The following TAFA1 variants were observed in gnomAD, a reference collection of about 807,000 sequenced individuals.
TAFA1 encodes chemokine-like protein TAFA-1.
A neutral mutation model predicts 18.5 loss-of-function variants in TAFA1; 4 were observed. The ratio of observed to expected loss-of-function variants is 0.22; its 90% CI spans 0.11 to 0.49. The LOEUF (loss-of-function observed/expected upper bound fraction) is 0.49. TAFA1 is among the 20% of genes least tolerant of loss of function. The probability of loss-of-function intolerance (pLI) is 0.98; values close to 1 mark genes in which losing one functional copy is unlikely to be tolerated. For missense variants in TAFA1, 147 were observed against 169.0 expected, an observed-to-expected ratio of 0.87 and a Z score of 0.72; for synonymous variants, 56 against 55.2, an observed-to-expected ratio of 1.01 and a Z score of -0.06.
At chr3:68,065,456 G>A (rs747887219) in intron 2 of TAFA1, among the ~76,000 whole-genome samples, 2 of 152,134 alleles carry the variant, frequency 1.3e-5, no homozygotes, top group Non-Finnish European at 2.9e-5. Context: ...ATGAACGACT[G>A]ATAGGGTCCC....
intron 2 of TAFA1, among the ~76,000 whole-genome samples, chr3:68,374,742 A>T (rs1291637281): frequency 6.6e-6 from 1 of 152,198 alleles, no homozygotes; most frequent in Admixed American, 6.5e-5. Context: ...GGTTACTTCC[A>T]GGTCTCCCTG....
chr3:68,030,921 TAG>T (rs1704921526), intron 2 of TAFA1, among the ~76,000 whole-genome samples: 1 of 152,174 alleles, frequency 6.6e-6, no homozygotes, highest in African/African-American at 2.4e-5. Flanking sequence ...TTAGTGGTTT[TAG>T]AGAGACCACA....
intron 2 of TAFA1, among the ~76,000 whole-genome samples, chr3:68,215,420 A>T (rs2066645531): frequency 6.6e-6 from 1 of 152,110 alleles, no homozygotes; most frequent in East Asian, 1.9e-4. Context: ...AGGTTAGAGA[A>T]AATCTAGGTA....
chr3:68,186,960 A>C lies in TAFA1; in HGVS notation c.118+180216A>C, dbSNP rs190300266. ...TGTGGGTAATTAGCAGTTTCTTGAG[A>C]ATGTGTGAAGTTTGTGGGAAAAAAA... On this transcript the variant is annotated intron_variant, in intron 2 of 4. Transcript: ENST00000478136. Among the ~76,000 whole-genome samples the C allele has an allele frequency of 3.3e-5, 5 of 151,870 alleles. No homozygotes were observed. In the East Asian group the frequency reaches 9.8e-4, roughly 30 times the overall value.
chr3:68,322,056 A>C (rs2068703852), intron 2 of TAFA1, among the ~76,000 whole-genome samples: 1 of 152,204 alleles, frequency 6.6e-6, no homozygotes, highest in Admixed American at 6.5e-5. Context: ...TATAAATACA[A>C]AAGAATTTTA....
At chr3:68,102,861 C>T (rs984252102) in intron 2 of TAFA1, among the ~76,000 whole-genome samples, 1 of 152,168 alleles carries the variant, frequency 6.6e-6, no homozygotes, top group Non-Finnish European at 1.5e-5. Context: ...GGTTGTGCTC[C>T]TATGAACTAA....
intron 2 of TAFA1, among the ~76,000 whole-genome samples, chr3:68,342,185 C>A (rs80001099): frequency 0.088 from 13,360 of 152,188 alleles, 690 homozygotes; most frequent in South Asian, 0.15. Flanking sequence ...AACAAAGATA[C>A]CCCTGTCCTC....
intron 3 of TAFA1, among the ~76,000 whole-genome samples, chr3:68,467,281 A>C (rs1474976063): frequency 6.6e-6 from 1 of 152,172 alleles, no homozygotes; most frequent in Non-Finnish European, 1.5e-5. Flanking sequence ...AGAAGATGAT[A>C]GGATTAAGAG....
At chr3:68,444,865 C>T (rs955685151) in intron 3 of TAFA1, among the ~76,000 whole-genome samples, 6 of 148,124 alleles carry the variant, frequency 4.1e-5, no homozygotes, top group Admixed American at 6.8e-5. Context: ...CCAGCTTCTC[C>T]GTTTATAACT....
At chr3:68,240,523 T>C (rs1310305525) in intron 2 of TAFA1, among the ~76,000 whole-genome samples, 4 of 152,164 alleles carry the variant, frequency 2.6e-5, no homozygotes, top group African/African-American at 4.8e-5. Flanking sequence ...TCCAGCTGCA[T>C]AGAGAGAAGG....
chr3:67,992,334 G>T, the TAFA1 span, among the ~76,000 whole-genome samples: 3 of 152,220 alleles, frequency 2.0e-5, no homozygotes, highest in African/African-American at 7.2e-5. Context: ...TTTGGAGGAT[G>T]AGTGACAATA....
chr3:68,383,485 A>AT (rs1190018895), intron 2 of TAFA1, among the ~76,000 whole-genome samples: 3 of 152,052 alleles, frequency 2.0e-5, no homozygotes, highest in African/African-American at 4.8e-5. Context: ...AATCACATTT[A>AT]TTTTTTTGTG....
At chr3:68,482,374 AAAG>A (rs1360362236) in intron 3 of TAFA1, among the ~76,000 whole-genome samples, 2 of 152,164 alleles carry the variant, frequency 1.3e-5, no homozygotes, top group East Asian at 1.9e-4. Flanking sequence ...ACCAAGAAGA[AAAG>A]AAGCTGGAAG....
chr3:68,384,257 G>A (rs555214169), intron 2 of TAFA1, among the ~76,000 whole-genome samples: 4 of 151,840 alleles, frequency 2.6e-5, no homozygotes, highest in East Asian at 1.9e-4. Context: ...CCTACTTTTT[G>A]TTGTGGTGTT....
intron 2 of TAFA1, among the ~76,000 whole-genome samples, chr3:68,233,315 G>A (rs2066893206): frequency 6.6e-6 from 1 of 151,956 alleles, no homozygotes; most frequent in Non-Finnish European, 1.5e-5. Context: ...TCTCTACTCT[G>A]TTGATTGTTT....
At chr3:68,172,757 AG>A (rs2066072321) in intron 2 of TAFA1, among the ~76,000 whole-genome samples, 1 of 152,210 alleles carries the variant, frequency 6.6e-6, no homozygotes, top group Non-Finnish European at 1.5e-5. Flanking sequence ...GAATGAATAA[AG>A]GCAGTCACCA....
In TAFA1 at chr3:68,027,006, AAG is replaced by A. The variant is rs538874439; in HGVS notation, c.118+20271_118+20272del. 2.6e-5 allele frequency among the ~76,000 whole-genome samples: 4 copies of A among 152,018 alleles called. No homozygotes were observed. In the South Asian group the frequency reaches 8.3e-4, roughly 32 times the overall value. ...CATTTCACATGGCTGGAGTAGGAGG[AAG>A]AGAGAGAGGGGGGAGGTGGCACACA... On this transcript the variant is annotated intron_variant, in intron 2 of 4. Transcript: ENST00000478136.
chr3:68,529,320 A>T (rs943974441), intron 3 of TAFA1, among the ~76,000 whole-genome samples: 1 of 151,576 alleles, frequency 6.6e-6, no homozygotes, highest in African/African-American at 2.4e-5. Flanking sequence ...AGTGACTCTT[A>T]ACTAGCATTT....
intron 2 of TAFA1, among the ~76,000 whole-genome samples, chr3:68,259,831 T>A (rs577368648): frequency 6.6e-6 from 1 of 152,214 alleles, no homozygotes; most frequent in South Asian, 2.1e-4. Context: ...CTTAAGGAGA[T>A]TTTGGGCTGA....
Sources: allele counts gnomAD v4.1 joint callset (sites outside exome capture counted in the v4.1 genomes callset), GRCh38; gene constraint gnomAD v4.1.1; transcripts MANE v1.5; gene names NCBI Gene and HGNC (gene_info 2026-07-23, HGNC 2026-07-21).